NLRP2: variants seen among roughly 807,000 people sequenced by gnomAD.
NLRP2 encodes the protein NACHT, LRR and PYD domains-containing protein 2.
NLRP2 carries 107 observed loss-of-function variants against 97.2 expected under a neutral mutation model. That is an observed-to-expected ratio of 1.10 (90% confidence interval 0.94 to 1.29). NLRP2 has a LOEUF of 1.29. Ranked by LOEUF, NLRP2 falls within the 50% of genes most tolerant of loss-of-function variation. NLRP2 has a pLI of 0.00. For synonymous variants in NLRP2, 663 were observed against 551.5 expected, an observed-to-expected ratio of 1.20 and a Z score of -2.83; for missense variants, 1,495 against 1,330.3, an observed-to-expected ratio of 1.12 and a Z score of -1.93.
At chr19:54,982,068 G>T in intron 5 of NLRP2, 94 bp from the exon 6 acceptor site, 4 of 1,515,388 alleles carry the variant, frequency 2.6e-6, no homozygotes, top group Non-Finnish European at 3.6e-6. Context: ...ATGAGCCACT[G>T]TGCCCGGCCA....
Position 54,982,362 on chromosome 19 carries a change from C to G in NLRP2, c.664C>G (p.Leu222Val), listed in dbSNP as rs2071637427. Reference protein sequence around the residue: ...YGPAGLGKTTLAQKLMLDWAE... With the variant: ...YGPAGLGKTTVAQKLMLDWAE... ...TCCTGCAGGCCTTGGGAAAACCACG[C>G]TGGCCCAGAAACTAATGCTAGACTG... The change falls in exon 6 of 13, where the codon CTG becomes GTG. Residue 222 changes from leucine (L) to valine (V), a missense_variant. Physicochemically the swap from Leu to Val is conservative, Grantham distance 32. Coordinates refer to ENST00000448584, the MANE Select transcript of NLRP2 (RefSeq NM_017852.5). 3 of 1,614,160 alleles carry G rather than the reference C, an allele frequency of 1.9e-6. No homozygotes were observed. The highest frequency in any genetic ancestry group is 2.5e-6 in the Non-Finnish European group (3 of 1,180,040).
At chr19:54,996,173 C>T (rs1368993556) in intron 11 of NLRP2, among the ~76,000 whole-genome samples, 1 of 152,100 alleles carries the variant, frequency 6.6e-6, no homozygotes, top group African/African-American at 2.4e-5. Context: ...CGTTACCACA[C>T]TCCAGCCTGG....
intron 11 of NLRP2, among the ~76,000 whole-genome samples, chr19:54,995,997 G>A (rs903141651): frequency 7.3e-5 from 10 of 137,822 alleles, no homozygotes; most frequent in African/African-American, 2.7e-4. Flanking sequence ...TTGAGATCAC[G>A]TCACCTCACT....
chr19:54,970,770 C>CTTTTTTTTTTTTTTTTGTTCTTTTTTT (rs2070793118), intron 2 of NLRP2, among the ~76,000 whole-genome samples: 1 of 108,474 alleles, frequency 9.2e-6, no homozygotes, highest in Non-Finnish European at 1.9e-5. Context: ...CTACCTACTT[C>CTTTTTTTTTTTTTTTTGTTCTTTTTTT]TTTTTTTTTT....
chr19:54,966,835 T>TC (rs1231143474), intron 1 of NLRP2, among the ~76,000 whole-genome samples: 96 of 104,712 alleles, frequency 9.2e-4, no homozygotes, highest in African/African-American at 2.8e-3. Context: ...CTTTTTTTTT[T>TC]TTTTTTTTTT....
chr19:54,986,475 T>A (rs1036231), intron 8 of NLRP2, 160 bp downstream of exon 8: 2 of 697,510 alleles, frequency 2.9e-6, no homozygotes, highest in African/African-American at 3.5e-5. Context: ...CTTGAGTTTC[T>A]ACTTGCCTTG....
In NLRP2 at chr19:54,990,198, TCTCTC is replaced by T. The variant is rs1267882527; in HGVS notation, c.2537+12_2537+16del. ...TGCTTTCTGCAGAGGTTGTCGTAAGTCTCTCCTCTCTTACAGAGCAGCTGTGCTTT... is the reference window on the plus strand; with the variant it reads ...TGCTTTCTGCAGAGGTTGTCGTAAGTCTCTCTTACAGAGCAGCTGTGCTTT... On this transcript the variant is annotated splice_region_variant and intron_variant, in intron 9 of 12. Coordinates refer to ENST00000448584, the MANE Select transcript of NLRP2 (RefSeq NM_017852.5). 3.1e-6 allele frequency: 5 copies of T among 1,613,892 alleles called. No individual in the cohort carries two copies. The highest frequency in any genetic ancestry group is 2.2e-5 in the South Asian group (2 of 91,068).
At chr19:54,985,723 C>T (rs2072027290) in intron 7 of NLRP2, among the ~76,000 whole-genome samples, 1 of 145,938 alleles carries the variant, frequency 6.9e-6, no homozygotes, top group Non-Finnish European at 1.5e-5. Context: ...GGGCCGGGCA[C>T]AATGGCTCAC....
chr19:54,980,133 TATC>T (rs145335058), intron 4 of NLRP2, among the ~76,000 whole-genome samples: 1,790 of 152,050 alleles, frequency 0.012, 39 homozygotes, highest in African/African-American at 0.041. Context: ...GTGCCTGCTC[TATC>T]ATCATGCTTC....
chr19:54,966,849 T>C (rs191873905), intron 1 of NLRP2, among the ~76,000 whole-genome samples: 4,769 of 128,444 alleles, frequency 0.037, 52 homozygotes, highest in East Asian at 0.14. Context: ...TTTTTTTTTT[T>C]TTCTTCTCTT....
chr19:54,993,079 G>A (rs556437975), intron 10 of NLRP2: 3 of 151,960 alleles, frequency 2.0e-5, no homozygotes, highest in South Asian at 4.2e-4. Context: ...AATTAGCCAG[G>A]CGTGGTGTCG....
At chr19:54,972,126 G>A (rs1365731399) in intron 2 of NLRP2, among the ~76,000 whole-genome samples, 1 of 151,050 alleles carries the variant, frequency 6.6e-6, no homozygotes, top group Non-Finnish European at 1.5e-5. Flanking sequence ...ACAGGCGTGA[G>A]CCACCGCACC....
At chr19:54,998,737 A>T (rs1455709655) in intron 12 of NLRP2, among the ~76,000 whole-genome samples, 2 of 144,810 alleles carry the variant, frequency 1.4e-5, no homozygotes, top group Non-Finnish European at 3.0e-5. Context: ...CAGATAAACA[A>T]GTGAACAAAG....
intron 1 of NLRP2, among the ~76,000 whole-genome samples, chr19:54,969,661 G>A (rs998892039): frequency 6.6e-6 from 1 of 152,030 alleles, no homozygotes; most frequent in Non-Finnish European, 1.5e-5. Flanking sequence ...TCAAAAATAA[G>A]TAAATAAAAG....
chr19:54,990,324 C>T (rs571957299), intron 9 of NLRP2, 132 bp downstream of exon 9: 16 of 1,157,758 alleles, frequency 1.4e-5, no homozygotes, highest in African/African-American at 9.1e-5. Context: ...TAGATCCAGG[C>T]CGATGGCCTG....
intron 1 of NLRP2, among the ~76,000 whole-genome samples, chr19:54,968,756 C>T (rs1245932154): frequency 2.8e-5 from 4 of 142,572 alleles, no homozygotes; most frequent in Admixed American, 2.2e-4. Flanking sequence ...AGTGCAGTGG[C>T]GCCATGTCAG....
chr19:54,987,705 G>A lies in NLRP2; in HGVS notation c.2366+1390G>A, dbSNP rs569408247. Among the ~76,000 whole-genome samples the A allele has an allele frequency of 6.7e-5, 10 of 149,326 alleles. No homozygotes were observed. The East Asian group carries it at 7.9e-4, about 12-fold the overall frequency. The stretch of plus-strand genomic sequence containing the variant: ...TGCAGTGAGCTGAGATCACACCACC[G>A]CACTCCAGTCTGGGCAACAGTGTGA... On this transcript the variant is annotated intron_variant, in intron 8 of 12. Coordinates refer to ENST00000448584, the MANE Select transcript of NLRP2 (RefSeq NM_017852.5).
intron 4 of NLRP2, among the ~76,000 whole-genome samples, chr19:54,979,741 C>G (rs117444168): frequency 6.6e-6 from 1 of 152,100 alleles, no homozygotes; most frequent in East Asian, 1.9e-4. Flanking sequence ...TTGCCCTGTT[C>G]ATCTCTCTAG....
intron 10 of NLRP2, chr19:54,993,300 T>A (rs116666169): frequency 1.3e-5 from 2 of 151,708 alleles, no homozygotes; most frequent in African/African-American, 4.8e-5. Context: ...CGTCATGGAC[T>A]CCAATCTGCC....
Sources: allele counts gnomAD v4.1 joint callset (sites outside exome capture counted in the v4.1 genomes callset), GRCh38; gene constraint gnomAD v4.1.1; transcripts MANE v1.5; gene names NCBI Gene and HGNC (gene_info 2026-07-23, HGNC 2026-07-21).